Variants in TRPM3 observed in about 807,000 individuals in gnomAD.
TRPM3 encodes the protein transient receptor potential cation channel subfamily M member 3.
In TRPM3, 77 loss-of-function variants were observed where a neutral mutation model predicts 181.2. The ratio of observed to expected loss-of-function variants is 0.42; its 90% CI spans 0.35 to 0.51. The LOEUF (loss-of-function observed/expected upper bound fraction) is 0.51. TRPM3 is among the 20% of genes least tolerant of loss of function. TRPM3 has a pLI of 0.01. For missense variants in TRPM3, 1,759 were observed against 2,196.7 expected, an observed-to-expected ratio of 0.80 and a Z score of 3.98; for synonymous variants, 745 against 796.4, an observed-to-expected ratio of 0.94 and a Z score of 1.09.
chr9:70,775,789 T>A (rs2081243690), intron 7 of TRPM3: 1 of 91,802 alleles, frequency 1.1e-5, no homozygotes, highest in African/African-American at 2.9e-5. Context: ...ATTGTGAGAT[T>A]TTTTTTTTTG....
At chr9:70,592,959 T>C (rs2058378563) in intron 21 of TRPM3, among the ~76,000 whole-genome samples, 1 of 152,160 alleles carries the variant, frequency 6.6e-6, no homozygotes, top group African/African-American at 2.4e-5. Context: ...CTTGAACTCC[T>C]GAACTTGTGA....
intron 1 of TRPM3, among the ~76,000 whole-genome samples, chr9:71,215,056 A>C (rs1364396619): frequency 2.7e-5 from 4 of 149,538 alleles, no homozygotes; most frequent in African/African-American, 7.3e-5. Context: ...ACAAAAAAAA[A>C]AAAAAACAAC....
chr9:71,178,510 A>G (rs1249824351), intron 1 of TRPM3, among the ~76,000 whole-genome samples: 1 of 152,152 alleles, frequency 6.6e-6, no homozygotes, highest in Admixed American at 6.6e-5. Context: ...AGACTAGTCC[A>G]CATCAAAGAT....
chr9:71,293,361 C>T (rs988230008), intron 1 of TRPM3, among the ~76,000 whole-genome samples: 9 of 151,806 alleles, frequency 5.9e-5, no homozygotes, highest in African/African-American at 2.2e-4. Context: ...CCATTATTCA[C>T]GGACATTTTA....
chr9:71,244,534 A>AT (rs2081922853), intron 1 of TRPM3, among the ~76,000 whole-genome samples: 1 of 152,186 alleles, frequency 6.6e-6, no homozygotes. Flanking sequence ...GACTTGAGGG[A>AT]TAAAGGAATC....
At chr9:71,409,407 G>A (rs567025404) in intron 1 of TRPM3, among the ~76,000 whole-genome samples, 44 of 152,172 alleles carry the variant, frequency 2.9e-4, no homozygotes, top group Non-Finnish European at 5.1e-4. Flanking sequence ...TAAAGGGATA[G>A]AGGAAGATCT....
chr9:71,353,888 A>G (rs2091778255), intron 1 of TRPM3, among the ~76,000 whole-genome samples: 1 of 152,176 alleles, frequency 6.6e-6, no homozygotes, highest in South Asian at 2.1e-4. Flanking sequence ...TTTAGAAAAC[A>G]TCTGGTTTCA....
At chr9:70,821,474 T>G (rs1463237806) in intron 6 of TRPM3, among the ~76,000 whole-genome samples, 3 of 152,246 alleles carry the variant, frequency 2.0e-5, no homozygotes, top group African/African-American at 7.2e-5. Context: ...GAGTAGTCCC[T>G]TGGTATCCAC....
intron 1 of TRPM3, among the ~76,000 whole-genome samples, chr9:71,089,225 AT>A (rs1000270369): frequency 6.7e-6 from 1 of 149,014 alleles, no homozygotes; most frequent in African/African-American, 2.4e-5. Context: ...ATAACATTAT[AT>A]TTGCTTATAG....
chr9:71,161,374 C>T (rs1011619047), intron 1 of TRPM3, among the ~76,000 whole-genome samples: 8 of 152,228 alleles, frequency 5.3e-5, no homozygotes, highest in Admixed American at 2.0e-4. Flanking sequence ...AGATCTATGA[C>T]GCCCTGAACT....
intron 9 of TRPM3, among the ~76,000 whole-genome samples, chr9:70,662,503 A>C (rs988112795): frequency 2.0e-5 from 3 of 152,190 alleles, no homozygotes; most frequent in African/African-American, 7.2e-5. Flanking sequence ...CATCCAACAA[A>C]GGTCTAGAAT....
At chr9:70,838,059 C>T (rs533923453) in intron 5 of TRPM3, among the ~76,000 whole-genome samples, 14 of 152,184 alleles carry the variant, frequency 9.2e-5, no homozygotes, top group Admixed American at 8.5e-4. Flanking sequence ...TGTGGTTATG[C>T]TCATAGAAGT....
intron 22 of TRPM3, among the ~76,000 whole-genome samples, chr9:70,560,127 C>A (rs1393541989): frequency 6.6e-6 from 1 of 152,208 alleles, no homozygotes; most frequent in African/African-American, 2.4e-5. Context: ...TGTGTTTCAT[C>A]TTCTTACCAG....
intron 1 of TRPM3, among the ~76,000 whole-genome samples, chr9:71,265,521 A>C (rs540251031): frequency 6.6e-6 from 1 of 152,204 alleles, no homozygotes; most frequent in Non-Finnish European, 1.5e-5. Flanking sequence ...GATTATATAC[A>C]TCAAGTCAAC....
intron 1 of TRPM3, among the ~76,000 whole-genome samples, chr9:71,400,649 C>T (rs1257257104): frequency 6.6e-6 from 1 of 151,840 alleles, no homozygotes; most frequent in African/African-American, 2.4e-5. Context: ...TTATTTATTG[C>T]TAATACTTAA....
chr9:71,158,713 C>T (rs906797995), intron 1 of TRPM3, among the ~76,000 whole-genome samples: 1 of 152,106 alleles, frequency 6.6e-6, no homozygotes, highest in Admixed American at 6.6e-5. Context: ...GCCCAGATAG[C>T]TGTTCAAAAA....
intron 1 of TRPM3, among the ~76,000 whole-genome samples, chr9:71,238,082 A>C (rs2081466377): frequency 6.6e-6 from 1 of 152,204 alleles, no homozygotes; most frequent in Admixed American, 6.5e-5. Flanking sequence ...AATTGGCTGA[A>C]ATTCAACTTT....
At chr9:70,654,523 G>C (rs2060008920) in intron 9 of TRPM3, among the ~76,000 whole-genome samples, 1 of 152,078 alleles carries the variant, frequency 6.6e-6, no homozygotes. Context: ...TGATCCAGTG[G>C]TGACACACTG....
At chr9:71,178,588 G>C (rs962243161) in intron 1 of TRPM3, among the ~76,000 whole-genome samples, 1 of 152,146 alleles carries the variant, frequency 6.6e-6, no homozygotes, top group East Asian at 1.9e-4. Flanking sequence ...TTTTTCTACT[G>C]TGGAAACCTC....
Sources: allele counts gnomAD v4.1 joint callset (sites outside exome capture counted in the v4.1 genomes callset), GRCh38; gene constraint gnomAD v4.1.1; transcripts MANE v1.5; gene names NCBI Gene and HGNC (gene_info 2026-07-23, HGNC 2026-07-21).